PCDHA1: variants seen among roughly 807,000 people sequenced by gnomAD.
The protein encoded by PCDHA1 is protocadherin alpha 1.
Under a neutral mutation model 61.3 loss-of-function variants are expected in PCDHA1, and 42 were observed. That is an observed-to-expected ratio of 0.69 (90% confidence interval 0.54 to 0.89). The LOEUF (loss-of-function observed/expected upper bound fraction) is 0.89. PCDHA1 is among the 40% of genes least tolerant of loss of function. PCDHA1 has a pLI of 0.00. For missense variants in PCDHA1, 1,256 were observed against 1,235.3 expected (o/e 1.02, Z -0.25); for synonymous variants, 610 against 553.8 (o/e 1.10, Z -1.43).
At chr5:140,809,221 C>A (rs782747524) in intron 1 of PCDHA1, 2 of 1,614,078 alleles carry the variant, frequency 1.2e-6, no homozygotes, top group Non-Finnish European at 1.7e-6. Flanking sequence ...CGCCAAAGGC[C>A]TCCTCACGGG....
intron 1 of PCDHA1, chr5:140,856,089 T>C: frequency 6.3e-7 from 1 of 1,596,782 alleles, no homozygotes; most frequent in Non-Finnish European, 8.6e-7. Flanking sequence ...CAGTGTCTGC[T>C]GCTCTCGCTT....
intron 1 of PCDHA1, among the ~76,000 whole-genome samples, chr5:140,965,168 T>A (rs1484687706): frequency 6.6e-6 from 1 of 152,180 alleles, no homozygotes; most frequent in Non-Finnish European, 1.5e-5. Context: ...GACGTTTTAG[T>A]GAGTGCTTTT....
intron 1 of PCDHA1, chr5:140,814,223 T>TG (rs2126653089): frequency 7.2e-5 from 11 of 152,626 alleles, no homozygotes; most frequent in African/African-American, 2.2e-4. Flanking sequence ...AGTGTTTTTT[T>TG]TTGTTGTTGT....
In PCDHA1 at chr5:141,010,151, C is replaced by T. The variant is rs1554262715; in HGVS notation, c.*214C>T. 1 of 1,578,076 alleles carries T rather than the reference C, an allele frequency of 6.3e-7. No homozygotes were observed. Among genetic ancestry groups the T allele is most frequent in the South Asian group, 1.1e-5 (1 of 87,432 alleles). On this transcript the variant is annotated 3_prime_UTR_variant, in exon 4 of 4. Transcript: ENST00000504120. The stretch of plus-strand genomic sequence containing the variant: ...CTGGTGTTAACTCTTTCTCTCCACT[C>T]TGGCTTGTTTTCAGAACCTAAAAAG...
rs2150153132 is a variant in PCDHA1, at chr5:140,828,254, G to A, written c.2394+39570G>A. ...CCGGATCGCGCAGGACCTGGGGCTG[G>A]AGCTGGCGGAGCTGGTGCCGCGCCT... On this transcript the variant is annotated intron_variant, in intron 1 of 3. Transcript: ENST00000504120. 5 of 1,613,996 alleles carry A rather than the reference G, an allele frequency of 3.1e-6. No homozygotes were observed. In the Admixed American group the frequency reaches 8.3e-5, roughly 27 times the overall value.
Position 140,846,221 on chromosome 5 carries a change from A to C in PCDHA1, c.2394+57537A>C, listed in dbSNP as rs944343213. Among the ~76,000 whole-genome samples, 2 of 149,362 alleles carry C rather than the reference A, an allele frequency of 1.3e-5. 1 individual carries two copies. The highest frequency in any genetic ancestry group is 3.0e-5 in the Non-Finnish European group (2 of 66,804). On this transcript the variant is annotated intron_variant, in intron 1 of 3. Coordinates refer to ENST00000504120, the MANE Select transcript of PCDHA1 (RefSeq NM_018900.4). ...TGTATGAGATCTTTCCATTAATAGT[A>C]TTTTTCTTAAAAAGAAGTATACAAT... is the stretch of plus-strand genomic sequence containing the variant.
chr5:140,860,245 T>C (rs2046291646), intron 1 of PCDHA1: 1 of 151,496 alleles, frequency 6.6e-6, no homozygotes, highest in Non-Finnish European at 1.5e-5. Flanking sequence ...TGGTGGTACA[T>C]GCCTTTAGTC....
chr5:140,809,011 G>T, intron 1 of PCDHA1: 1 of 1,613,732 alleles, frequency 6.2e-7, no homozygotes, highest in Non-Finnish European at 8.5e-7. Context: ...CGTGGCTTTC[G>T]TACGAGCTGC....
intron 1 of PCDHA1, chr5:140,882,397 C>T (rs1554173926): frequency 6.2e-7 from 1 of 1,614,190 alleles, no homozygotes; most frequent in South Asian, 1.1e-5. Flanking sequence ...AACACGGCAC[C>T]TTCGTGGGCC....
At chr5:140,957,029 T>G (rs782472701) in intron 1 of PCDHA1, among the ~76,000 whole-genome samples, 4 of 152,190 alleles carry the variant, frequency 2.6e-5, no homozygotes, top group African/African-American at 4.8e-5. Flanking sequence ...TTTAGATATT[T>G]ATGGGAGTCA....
intron 1 of PCDHA1, among the ~76,000 whole-genome samples, chr5:140,916,951 G>A (rs1197063390): frequency 6.6e-6 from 1 of 152,210 alleles, no homozygotes; most frequent in Non-Finnish European, 1.5e-5. Context: ...GAGGCTTGCT[G>A]AGTTCTGACT....
At position 140,851,996 on chromosome 5, in the gene PCDHA1, G is replaced by A. The variant is rs782761862; in HGVS notation, c.2394+63312G>A. ...TACCTTTAGTGCAAGCTATTTGTTT[G>A]TTTTCTAATTTATAGTTTTAAAAAC... On this transcript the variant is annotated intron_variant, in intron 1 of 3. Transcript: ENST00000504120. The A allele has an allele frequency of 4.9e-4, 481 of 975,902 alleles. 33 individuals carry two copies. Among genetic ancestry groups the A allele is most frequent in the Admixed American group, 1.4e-3 (23 of 15,868 alleles). The allele number at this position is 975,902 out of a possible 1,614,324, so 60.5% of individuals were successfully genotyped here.
intron 1 of PCDHA1, among the ~76,000 whole-genome samples, chr5:140,951,497 A>G (rs2094591184): frequency 6.6e-6 from 1 of 152,030 alleles, no homozygotes; most frequent in Non-Finnish European, 1.5e-5. Flanking sequence ...GGTGGAAGGC[A>G]AAAGGAAAGC....
rs1203215461 is a variant in PCDHA1 at position 140,841,541 on chromosome 5, C to A, written c.2394+52857C>A. The stretch of plus-strand genomic sequence containing the variant: ...GGTGGCGTCCAAAAGACACCGGGAC[C>A]TTCTGGAGGTAAGTCTGCAGAATGG... On this transcript the variant is annotated intron_variant, in intron 1 of 3. Transcript: ENST00000504120. 1 of 1,613,604 alleles carries A rather than the reference C, an allele frequency of 6.2e-7. No individual in the cohort carries two copies. The highest frequency in any genetic ancestry group is 8.5e-7 in the Non-Finnish European group (1 of 1,180,002).
rs781940481 is a variant in PCDHA1 at position 140,788,016 on chromosome 5, G to T, written c.1726G>T (p.Ala576Ser). ...LAPRVGGTIG[A>S]VSELVPRLVG... ...GCCTCGAGTGGGTGGCACTATTGGT[G>T]CAGTCAGTGAGCTGGTGCCGCGATT... Residue 576 changes from alanine (A) to serine (S), a missense_variant, in exon 1 of 4, where the codon GCA becomes TCA. By Grantham distance (99) the Ala-to-Ser change is moderately conservative. Coordinates refer to ENST00000504120, the MANE Select transcript of PCDHA1 (RefSeq NM_018900.4). 1.9e-6 allele frequency: 3 copies of T among 1,614,014 alleles called. No homozygotes were observed. Among genetic ancestry groups the T allele is most frequent in the Non-Finnish European group, 2.5e-6 (3 of 1,179,906 alleles).
chr5:140,790,042 T>C (rs77615034), intron 1 of PCDHA1, among the ~76,000 whole-genome samples: 1,784 of 152,314 alleles, frequency 0.012, 31 homozygotes, highest in African/African-American at 0.041. Flanking sequence ...AAAATCCCAA[T>C]ACTTACCTTC....
chr5:140,966,710 G>A, intron 1 of PCDHA1: 1 of 1,391,664 alleles, frequency 7.2e-7, no homozygotes, highest in Non-Finnish European at 9.3e-7. Flanking sequence ...GTGGGGCACG[G>A]CTGGGGAAGC....
chr5:140,949,685 G>A (rs1044878374), intron 1 of PCDHA1, among the ~76,000 whole-genome samples: 4 of 151,794 alleles, frequency 2.6e-5, no homozygotes, highest in East Asian at 1.9e-4. Flanking sequence ...TTGTTGAAGC[G>A]TATTGTTGGA....
intron 1 of PCDHA1, chr5:140,927,606 C>T: frequency 6.2e-7 from 1 of 1,614,202 alleles, no homozygotes; most frequent in Non-Finnish European, 8.5e-7. Context: ...GCTCCGTATA[C>T]CGCACCAAGG....
Sources: gnomAD v4.1 joint callset for allele counts (sites outside exome capture counted in the v4.1 genomes callset) on GRCh38, gnomAD v4.1.1 for gene constraint, MANE v1.5 for transcripts, NCBI Gene and HGNC (gene_info 2026-07-23, HGNC 2026-07-21) for gene names.